UNC5C: variants seen among roughly 807,000 people sequenced by gnomAD.
UNC5C encodes unc-5 netrin receptor C.
In UNC5C, 47 loss-of-function variants were observed where a neutral mutation model predicts 99.8. The ratio of observed to expected loss-of-function variants is 0.47; its 90% CI spans 0.37 to 0.60. The LOEUF (loss-of-function observed/expected upper bound fraction) is 0.60, where lower values mean the gene tolerates loss of function less well. Ranked by LOEUF, UNC5C falls within the 20% of genes least tolerant of loss-of-function variation. The pLI, the probability that UNC5C is intolerant of heterozygous loss-of-function variation, is 0.00. For missense variants in UNC5C, 1,062 were observed against 1,165.9 expected (o/e 0.91, Z 1.30); for synonymous variants, 487 against 452.2 (o/e 1.08, Z -0.98).
chr4:95,412,759 A>G (rs867887696), intron 1 of UNC5C, among the ~76,000 whole-genome samples: 8 of 152,196 alleles, frequency 5.3e-5, no homozygotes, highest in South Asian at 2.1e-4. Flanking sequence ...TGAGTCACCA[A>G]CTGACCCTGA....
At chr4:95,194,500 C>T (rs1319292714) in intron 12 of UNC5C, among the ~76,000 whole-genome samples, 8 of 152,088 alleles carry the variant, frequency 5.3e-5, no homozygotes, top group African/African-American at 1.7e-4. Flanking sequence ...TCCAGAGCCC[C>T]GAGAGGAGAA....
At chr4:95,354,479 A>ATATATTTT in intron 1 of UNC5C, among the ~76,000 whole-genome samples, 2 of 110,352 alleles carry the variant, frequency 1.8e-5, no homozygotes, top group Admixed American at 9.4e-5. Flanking sequence ...ATATATATAT[A>ATATATTTT]TTTTTTTTTT....
At chr4:95,543,176 C>T (rs145954235) in intron 1 of UNC5C, among the ~76,000 whole-genome samples, 389 of 152,184 alleles carry the variant, frequency 2.6e-3, no homozygotes, top group Non-Finnish European at 4.5e-3. Flanking sequence ...ACCAAAGAAG[C>T]ATCCATACAT....
chr4:95,463,976 G>A (rs17023998), intron 1 of UNC5C, among the ~76,000 whole-genome samples: 4,695 of 152,192 alleles, frequency 0.031, 214 homozygotes, highest in African/African-American at 0.1. Flanking sequence ...AAATAACTGC[G>A]TATCTTTACT....
At chr4:95,341,567 G>C (rs1743583397) in intron 1 of UNC5C, among the ~76,000 whole-genome samples, 2 of 151,696 alleles carry the variant, frequency 1.3e-5, no homozygotes, top group Non-Finnish European at 2.9e-5. Context: ...AAGGAGGGAG[G>C]GAGAGAGGGA....
rs538538948 is a variant in UNC5C, at chr4:95,484,120, G to A, written c.124+64614C>T. ...GAGTGCTATGGAGAGAAATAAAATG[G>A]GTAATGAGGAAGGGCTTCTCTATTA... On this transcript the variant is annotated intron_variant, in intron 1 of 15. Transcript: ENST00000453304. Among the ~76,000 whole-genome samples, 12 of 151,846 alleles carry A rather than the reference G, an allele frequency of 7.9e-5. No individual in the cohort carries two copies. In the South Asian group the frequency reaches 2.5e-3, roughly 32 times the overall value.
chr4:95,453,215 G>C (rs1460255349), intron 1 of UNC5C, among the ~76,000 whole-genome samples: 1 of 152,124 alleles, frequency 6.6e-6, no homozygotes, highest in Admixed American at 6.5e-5. Flanking sequence ...GACAAGTGTT[G>C]TGCAAGAGGA....
intron 11 of UNC5C, 107 bp from the exon 12 acceptor site, chr4:95,203,071 C>A: frequency 1.1e-6 from 1 of 925,302 alleles, no homozygotes; most frequent in Non-Finnish European, 1.7e-6. Flanking sequence ...TTTACTTGGT[C>A]TTTTTTCTCT....
At chr4:95,533,994 T>C (rs1722714354) in intron 1 of UNC5C, among the ~76,000 whole-genome samples, 1 of 152,226 alleles carries the variant, frequency 6.6e-6, no homozygotes, top group African/African-American at 2.4e-5. Context: ...TTGGATTCTT[T>C]AGATGGAATA....
chr4:95,447,586 T>C (rs1372687831), intron 1 of UNC5C, among the ~76,000 whole-genome samples: 1 of 152,130 alleles, frequency 6.6e-6, no homozygotes, highest in African/African-American at 2.4e-5. Context: ...CTGCAACCTC[T>C]TTCTCCCAGG....
intron 2 of UNC5C, among the ~76,000 whole-genome samples, chr4:95,327,389 T>G (rs1742927994): frequency 6.6e-6 from 1 of 152,048 alleles, no homozygotes; most frequent in Non-Finnish European, 1.5e-5. Context: ...TTATTTATTA[T>G]GAAAATAACA....
intron 1 of UNC5C, among the ~76,000 whole-genome samples, chr4:95,487,649 T>C (rs907417853): frequency 1.6e-4 from 24 of 151,708 alleles, no homozygotes; most frequent in African/African-American, 5.8e-4. Context: ...AAACTACAAA[T>C]GTGAAGTTAT....
At chr4:95,198,766 G>T (rs934969159) in intron 12 of UNC5C, among the ~76,000 whole-genome samples, 4 of 152,148 alleles carry the variant, frequency 2.6e-5, no homozygotes, top group Admixed American at 2.0e-4. Context: ...TTCGCTGGAG[G>T]CATTGTGAGG....
chr4:95,169,217 C>G lies in UNC5C; in HGVS notation c.*17G>C, dbSNP rs373946727. The G allele has an allele frequency of 1.2e-6, 2 of 1,612,336 alleles. No individual in the cohort carries two copies. Among genetic ancestry groups the G allele is most frequent in the Non-Finnish European group, 1.7e-6 (2 of 1,178,732 alleles). On this transcript the variant is annotated 3_prime_UTR_variant, in exon 16 of 16. Coordinates refer to ENST00000453304, the MANE Select transcript of UNC5C (RefSeq NM_003728.4). ...CCTGTGCATTTTTGTCCTTCATTTC[C>G]CCTTCCAGCATGGTGGTTAATACTG...
At chr4:95,438,934 A>G (rs1468749485) in intron 1 of UNC5C, among the ~76,000 whole-genome samples, 2 of 152,272 alleles carry the variant, frequency 1.3e-5, no homozygotes, top group African/African-American at 2.4e-5. Flanking sequence ...CATTGAGGAA[A>G]CCCATCAATA....
intron 1 of UNC5C, among the ~76,000 whole-genome samples, chr4:95,439,201 T>C (rs1480372545): frequency 6.6e-6 from 1 of 152,174 alleles, no homozygotes; most frequent in Non-Finnish European, 1.5e-5. Flanking sequence ...ATCTGCTTTA[T>C]CAAGGCTGGC....
chr4:95,492,909 G>A lies in UNC5C; in HGVS notation c.124+55825C>T, dbSNP rs1400864521. On this transcript the variant is annotated intron_variant, in intron 1 of 15. Transcript: ENST00000453304. ...ATTCCTATTTGTTAATATTTGGATA[G>A]CTAGGCATATATTGAGTAGTAAATA... Among the ~76,000 whole-genome samples the A allele has an allele frequency of 3.3e-5, 5 of 151,484 alleles. 1 individual carries two copies. In the South Asian group the frequency reaches 6.2e-4, roughly 19 times the overall value.
rs572844662 is a variant in UNC5C at position 95,424,812 on chromosome 4, C to T, written c.125-89181G>A. ...TGCTGGGATTACAGGAGTGAGCCAC[C>T]GCACCCGCCCCAGATTTTTTATAGA... On this transcript the variant is annotated intron_variant, in intron 1 of 15. Coordinates refer to ENST00000453304, the MANE Select transcript of UNC5C (RefSeq NM_003728.4). Among the ~76,000 whole-genome samples the T allele has an allele frequency of 4.6e-5, 7 of 151,896 alleles. No homozygotes were observed. In the South Asian group the frequency reaches 6.2e-4, roughly 14 times the overall value.
chr4:95,286,793 A>T (rs1741248587), intron 3 of UNC5C, among the ~76,000 whole-genome samples: 1 of 152,204 alleles, frequency 6.6e-6, no homozygotes, highest in East Asian at 1.9e-4. Context: ...CATGGTGCCA[A>T]TAGGAATGCA....
Sources: gnomAD v4.1 joint callset for allele counts (sites outside exome capture counted in the v4.1 genomes callset) on GRCh38, gnomAD v4.1.1 for gene constraint, MANE v1.5 for transcripts, NCBI Gene and HGNC (gene_info 2026-07-23, HGNC 2026-07-21) for gene names.